The following ACTR3C variants were observed in gnomAD, a reference collection of about 807,000 sequenced individuals.
ACTR3C encodes the protein actin-related protein 3C.
Under a neutral mutation model 26.3 loss-of-function variants are expected in ACTR3C, and 18 were observed. That is an observed-to-expected ratio of 0.68 (90% CI 0.47 to 1.01). The LOEUF is 1.01. ACTR3C is among the 50% of genes least tolerant of loss of function. The pLI, the probability that ACTR3C is intolerant of heterozygous loss-of-function variation, is 0.00. For missense variants in ACTR3C, 184 were observed against 250.7 expected (o/e 0.73, Z 1.80); for synonymous variants, 55 against 94.5 (o/e 0.58, Z 2.42).
chr7:149,928,703 C>CGTG, the ACTR3C span, among the ~76,000 whole-genome samples: 1,326 of 151,288 alleles, frequency 8.8e-3, 19 homozygotes, highest in African/African-American at 0.031. Context: ...AACAGCCATG[C>CGTG]GTGGTGGTGT....
the ACTR3C span, among the ~76,000 whole-genome samples, chr7:149,961,104 G>C: frequency 6.7e-6 from 1 of 150,228 alleles, no homozygotes; most frequent in East Asian, 1.9e-4. Context: ...GAAGTGTACA[G>C]TCACAGGAAG....
chr7:150,315,370 G>C (rs972330560), intron 1 of ACTR3C, among the ~76,000 whole-genome samples: 1 of 152,056 alleles, frequency 6.6e-6, no homozygotes, highest in Non-Finnish European at 1.5e-5. Context: ...ACCTGGAAGA[G>C]GATATGCAGC....
the ACTR3C span, among the ~76,000 whole-genome samples, chr7:150,108,089 C>T: frequency 6.7e-6 from 1 of 149,934 alleles, no homozygotes; most frequent in South Asian, 2.1e-4. Context: ...GATCTGATAG[C>T]AGTGGGTAGG....
At chr7:150,307,059 T>TC (rs1795855453) in intron 1 of ACTR3C, among the ~76,000 whole-genome samples, 1 of 152,242 alleles carries the variant, frequency 6.6e-6, no homozygotes, top group African/African-American at 2.4e-5. Context: ...CACTGGATAG[T>TC]CCAACTCTGT....
At chr7:149,881,996 G>C in the ACTR3C span, 2 of 152,514 alleles carry the variant, frequency 1.3e-5, no homozygotes, top group South Asian at 2.1e-4. Context: ...CTCAGGATGG[G>C]GACCCCGTGG....
chr7:150,059,788 C>T, the ACTR3C span, among the ~76,000 whole-genome samples: 1 of 152,182 alleles, frequency 6.6e-6, no homozygotes, highest in African/African-American at 2.4e-5. Context: ...ACCCACTCCA[C>T]CAAGGCTGCT....
chr7:150,129,439 A>G, the ACTR3C span, among the ~76,000 whole-genome samples: 1 of 152,240 alleles, frequency 6.6e-6, no homozygotes, highest in Non-Finnish European at 1.5e-5. Context: ...GAAATTAGTA[A>G]GTAAAACTGG....
At chr7:150,177,106 A>G in the ACTR3C span, among the ~76,000 whole-genome samples, 1 of 141,206 alleles carries the variant, frequency 7.1e-6, no homozygotes, top group Non-Finnish European at 1.5e-5. Context: ...GACTTTTAAG[A>G]GTAAACGTAT....
chr7:150,315,727 C>T (rs533043485), intron 1 of ACTR3C, among the ~76,000 whole-genome samples: 1 of 152,076 alleles, frequency 6.6e-6, no homozygotes, highest in Admixed American at 6.5e-5. Flanking sequence ...CAGAGAGACT[C>T]TAGCATGTAG....
At chr7:150,112,503 C>T in the ACTR3C span, among the ~76,000 whole-genome samples, 313 of 152,252 alleles carry the variant, frequency 2.1e-3, 4 homozygotes, top group Non-Finnish European at 2.5e-3. Context: ...ATCCACACAC[C>T]CCTGGAGCAT....
At chr7:150,239,507 GCTCTCT>G (rs1187583060), downstream of ACTR3C, among the ~76,000 whole-genome samples, 2,213 of 102,892 alleles carry the variant, frequency 0.022, 90 homozygotes, top group East Asian at 0.051. Flanking sequence ...AAAGTTGCTC[GCTCTCT>G]CTCTCTCTCT....
the ACTR3C span, among the ~76,000 whole-genome samples, chr7:149,982,979 G>A: frequency 3.0e-4 from 45 of 152,168 alleles, no homozygotes; most frequent in African/African-American, 9.2e-4. Context: ...AAGGAAAAGC[G>A]TTTAACTTTT....
chr7:149,892,930 T>C, the ACTR3C span, among the ~76,000 whole-genome samples: 1 of 151,198 alleles, frequency 6.6e-6, no homozygotes, highest in Non-Finnish European at 1.5e-5. Context: ...TTAATATCTG[T>C]AGCCAAAAAA....
rs1380115513 is a variant in ACTR3C, at chr7:150,254,262, G to A, written c.565-5208C>T. On this transcript the variant is annotated intron_variant, in intron 6 of 7. Transcript: ENST00000683684. Reference sequence around the variant, plus strand: ...TGGGGTGTTTGGAATGATGGCTTTTGTCCATTTCAACATTGGAACCCTGAT... The same window carrying A: ...TGGGGTGTTTGGAATGATGGCTTTTATCCATTTCAACATTGGAACCCTGAT... 9.3e-4 allele frequency among the ~76,000 whole-genome samples: 141 copies of A among 152,068 alleles called. 1 individual carries two copies. Among genetic ancestry groups the A allele is most frequent in the Non-Finnish European group, 7.4e-5 (5 of 68,020 alleles).
At chr7:150,128,749 G>C in the ACTR3C span, among the ~76,000 whole-genome samples, 1 of 151,872 alleles carries the variant, frequency 6.6e-6, no homozygotes, top group Admixed American at 6.6e-5. Context: ...ACAGGGACTA[G>C]ATTTACTCTC....
chr7:150,087,906 T>C, the ACTR3C span, among the ~76,000 whole-genome samples: 1 of 152,170 alleles, frequency 6.6e-6, no homozygotes, highest in Non-Finnish European at 1.5e-5. Context: ...AATAACTCCA[T>C]AGAAATAGAC....
chr7:150,014,221 C>T, the ACTR3C span, among the ~76,000 whole-genome samples: 5 of 152,076 alleles, frequency 3.3e-5, no homozygotes, highest in East Asian at 1.9e-4. Flanking sequence ...TTTGGGAGGT[C>T]GAGGTGGGCG....
chr7:149,945,344 G>C, the ACTR3C span, among the ~76,000 whole-genome samples: 1 of 100,050 alleles, frequency 1.0e-5, no homozygotes, highest in African/African-American at 3.2e-5. Flanking sequence ...GGAGGTCTGG[G>C]TGAGCACCAA....
rs574357216 is a variant in ACTR3C, at chr7:150,259,247, A to C, written c.565-10193T>G. ...CAAAAAGAAAGAAAGAAAAGACAGA[A>C]AGAAAAGAAAGAGAAAGAAGAAAGA... is the stretch of plus-strand genomic sequence containing the variant. On this transcript the variant is annotated intron_variant, in intron 6 of 7. Transcript: ENST00000683684. 4.6e-5 allele frequency among the ~76,000 whole-genome samples: 7 copies of C among 151,704 alleles called. No individual in the cohort carries two copies. In the East Asian group the frequency reaches 1.3e-3, roughly 29 times the overall value.
Sources: gnomAD v4.1 joint callset for allele counts (sites outside exome capture counted in the v4.1 genomes callset) on GRCh38, gnomAD v4.1.1 for gene constraint, MANE v1.5 for transcripts, NCBI Gene and HGNC (gene_info 2026-07-23, HGNC 2026-07-21) for gene names.